The following NLRP6 variants were observed in gnomAD, a reference collection of about 807,000 sequenced individuals.
NLRP6 encodes NLR family pyrin domain containing 6, also known as NACHT, LRR and PYD domains-containing protein 6.
A neutral mutation model predicts 70.9 loss-of-function variants in NLRP6; 55 were observed. The ratio of observed to expected loss-of-function variants is 0.78; its 90% CI spans 0.62 to 0.97. NLRP6 has a LOEUF of 0.97. Among genes scored for constraint, NLRP6 ranks in the 50% least tolerant of loss-of-function variants. The probability of loss-of-function intolerance (pLI) is 0.00; values close to 1 mark genes in which losing one functional copy is unlikely to be tolerated. For synonymous variants in NLRP6, 652 were observed against 581.9 expected (o/e 1.12, Z -1.73); for missense variants, 1,241 against 1,238.3 (o/e 1.00, Z -0.03).
rs1315370250 is a variant in NLRP6 at position 280,249 on chromosome 11, G to A, written c.515G>A (p.Gly172Glu). ...AMGPAEEPEP[G>E]RARRSDTHTF... is the part of the protein sequence containing the mutation. ...GGGCCCGCGGAAGAGCCTGAGCCGG[G>A]GCGCGCGCGGCGCTCGGACACGCAC... Residue 172 changes from glycine to glutamate, a missense_variant, in exon 4 of 8, where the codon GGG becomes GAG. Physicochemically the swap from Gly to Glu is moderately conservative, Grantham distance 98. Coordinates refer to ENST00000534750, the MANE Select transcript of NLRP6 (RefSeq NM_001276700.2). The A allele has an allele frequency of 5.2e-6, 8 of 1,526,954 alleles. No individual in the cohort carries two copies. Among genetic ancestry groups the A allele is most frequent in the South Asian group, 1.2e-5 (1 of 82,060 alleles). The allele number at this position is 1,526,954 out of a possible 1,614,324, so 94.6% of individuals were successfully genotyped here. A position where few individuals can be genotyped will look rare whatever the true frequency, so the allele number is the denominator to read the frequency against.
In NLRP6 at chr11:285,224, G is replaced by A; in HGVS notation, c.2596G>A (p.Ala866Thr). The A allele has an allele frequency of 6.2e-7, 1 of 1,602,324 alleles. No homozygotes were observed. Among genetic ancestry groups the A allele is most frequent in the Non-Finnish European group, 8.5e-7 (1 of 1,173,868 alleles). The change falls in exon 8 of 8, where the codon GCA becomes ACA. Residue 866 changes from alanine to threonine, a missense_variant. Physicochemically the swap from Ala to Thr is moderately conservative, Grantham distance 58. Coordinates refer to ENST00000534750, the MANE Select transcript of NLRP6 (RefSeq NM_001276700.2). ...ACAGGAGCTTCAGGCTGTGAAGAGAGCAAAGCCGGATCTGGTCATCACACA... is the reference window on the plus strand; with the variant it reads ...ACAGGAGCTTCAGGCTGTGAAGAGAACAAAGCCGGATCTGGTCATCACACA... ...SLQELQAVKR[A>T]KPDLVITHPA...
rs1158110920 is a variant in NLRP6, at chr11:280,247, G to A, written c.513G>A (p.Pro171=). ...TGGGGCCCGCGGAAGAGCCTGAGCC[G>A]GGGCGCGCGCGGCGCTCGGACACGC... ...EAMGPAEEPE[P]GRARRSDTHT... is the part of the protein sequence containing the mutation. Residue 171 remains proline (P), a synonymous_variant, in exon 4 of 8, where the codon CCG becomes CCA. Transcript: ENST00000534750. 2.0e-6 allele frequency: 3 copies of A among 1,528,244 alleles called. No individual in the cohort carries two copies. Among genetic ancestry groups the A allele is most frequent in the Non-Finnish European group, 1.8e-6 (2 of 1,139,196 alleles). The allele number at this position is 1,528,244 out of a possible 1,614,324, so 94.7% of individuals were successfully genotyped here.
Position 279,344 on chromosome 11 carries a change from C to A in NLRP6, c.47C>A (p.Ala16Glu). The A allele has an allele frequency of 7.7e-7, 1 of 1,290,872 alleles. No homozygotes were observed. 80.0% of individuals were successfully genotyped at this position (1,290,872 alleles called of 1,614,324 possible). A position where few individuals can be genotyped will look rare whatever the true frequency, so the allele number is the denominator to read the frequency against. The change falls in exon 2 of 8, where the codon GCG (alanine) becomes GAG (glutamate). Residue 16 changes from alanine (A) to glutamate (E), a missense_variant. Ala to Glu is a moderately radical substitution (Grantham distance 107, BLOSUM62 -1). Transcript: ENST00000534750. ...GCCTCCAGCACGGGGCCGCGCCTCG[C>A]GGTGGCCCGCGAGCTGCTCCTGGCT... ...APCSSTGPRL[A>E]VARELLLAAL...
chr11:280,738 A>G lies in NLRP6; in HGVS notation c.1004A>G (p.Gln335Arg), dbSNP rs1845460694. The change falls in exon 4 of 8, where the codon CAG (glutamine) becomes CGG (arginine). Residue 335 changes from glutamine (Q) to arginine (R), a missense_variant. By Grantham distance (43) the Gln-to-Arg change is conservative. Transcript: ENST00000534750. ...CGCGCCGCCGCCCCCGGGAGGCTGCAGGGCCGCCTGTGTTCCCCGCAGTGC... is the reference window on the plus strand; with the variant it reads ...CGCGCCGCCGCCCCCGGGAGGCTGCGGGGCCGCCTGTGTTCCCCGCAGTGC... ...TTRAAAPGRL[Q>R]GRLCSPQCAE... 6.3e-7 allele frequency: 1 copy of G among 1,598,992 alleles called. No individual in the cohort carries two copies. Among genetic ancestry groups the G allele is most frequent in the South Asian group, 1.1e-5 (1 of 89,094 alleles).
chr11:282,185 A>G (rs1439934592), intron 4 of NLRP6, among the ~76,000 whole-genome samples: 1 of 150,814 alleles, frequency 6.6e-6, no homozygotes, highest in Non-Finnish European at 1.5e-5. Context: ...CCTTCCCTCC[A>G]CCTAGAATAT....
chr11:281,261 G>A lies in NLRP6; in HGVS notation c.1527G>A (p.Leu509=). 4 of 1,611,612 alleles carry A rather than the reference G, an allele frequency of 2.5e-6. No individual in the cohort carries two copies. Among genetic ancestry groups the A allele is most frequent in the Non-Finnish European group, 3.4e-6 (4 of 1,178,790 alleles). Residue 509 remains leucine, a synonymous_variant, in exon 4 of 8, where the codon CTG becomes CTA. Coordinates refer to ENST00000534750, the MANE Select transcript of NLRP6 (RefSeq NM_001276700.2). ...GCTTCCAGGAGTTCCTCGCGGCACT[G>A]TCCTACCTGCTGGAGGACGGCGGGG... ...DQSFQEFLAA[L]SYLLEDGGVP... is the part of the protein sequence containing the mutation.
In NLRP6 at chr11:284,461, C is replaced by T. The variant is rs201671891; in HGVS notation, c.2370-14C>T. ...CCGCCACCCCAGCAGCTCCTGAGGT[C>T]GGCCCTCCCACAGGGTACAGCTGCC... On this transcript the variant is annotated splice_polypyrimidine_tract_variant and intron_variant, in intron 6 of 7. Coordinates refer to ENST00000534750, the MANE Select transcript of NLRP6 (RefSeq NM_001276700.2). 148 of 1,609,140 alleles carry T rather than the reference C, an allele frequency of 9.2e-5. No homozygotes were observed. Among genetic ancestry groups the T allele is most frequent in the Admixed American group, 2.2e-4 (13 of 59,896 alleles).
rs1044785503 is a variant in NLRP6, at chr11:281,097, G to A, written c.1363G>A (p.Gly455Arg). The A allele has an allele frequency of 1.6e-5, 25 of 1,612,544 alleles. No individual in the cohort carries two copies. In the Admixed American group the frequency reaches 2.7e-4, roughly 17 times the overall value. Reference sequence around the variant, plus strand: ...CCGCCTGGCCCGCGAGGGCGTCCTCGGACGCAGGGCGCAGTTTGCCGAGAA... The same window carrying A: ...CCGCCTGGCCCGCGAGGGCGTCCTCAGACGCAGGGCGCAGTTTGCCGAGAA... The part of the protein sequence containing the change: ...LCRLAREGVL[G>R]RRAQFAEKEL... The change falls in exon 4 of 8, where the codon GGA becomes AGA. Residue 455 changes from glycine (G) to arginine (R), a missense_variant. Gly to Arg is a moderately radical substitution (Grantham distance 125, BLOSUM62 -2). Transcript: ENST00000534750.
At chr11:279,691 GT>G in intron 2 of NLRP6, 84 bp downstream of exon 2, 1 of 1,354,974 alleles carries the variant, frequency 7.4e-7, no homozygotes. Flanking sequence ...CCCCGGCGCG[GT>G]CCCCGGCCCC....
At position 280,678 on chromosome 11, in the gene NLRP6, C is replaced by T; in HGVS notation, c.944C>T (p.Ala315Val). The part of the protein sequence containing the change: ...ARVLGGLLSK[A>V]LLPTALLLVT... ...GTGCTAGGCGGGCTGCTGAGCAAGG[C>T]GCTGCTGCCCACGGCCCTCCTGCTG... The change falls in exon 4 of 8, where the codon GCG (alanine) becomes GTG (valine). Residue 315 changes from alanine (A) to valine (V), a missense_variant. Ala to Val is a moderately conservative substitution (Grantham distance 64, BLOSUM62 0). Coordinates refer to ENST00000534750, the MANE Select transcript of NLRP6 (RefSeq NM_001276700.2). 1 of 1,553,996 alleles carries T rather than the reference C, an allele frequency of 6.4e-7. No individual in the cohort carries two copies. Among genetic ancestry groups the T allele is most frequent in the Non-Finnish European group, 8.7e-7 (1 of 1,155,204 alleles).
Position 284,460 on chromosome 11 carries a change from T to C in NLRP6, c.2370-15T>C, listed in dbSNP as rs1261918781. 5 of 1,609,124 alleles carry C rather than the reference T, an allele frequency of 3.1e-6. No homozygotes were observed. The highest frequency in any genetic ancestry group is 1.7e-5 in the Admixed American group (1 of 59,884). On this transcript the variant is annotated splice_polypyrimidine_tract_variant and intron_variant, in intron 6 of 7. Coordinates refer to ENST00000534750, the MANE Select transcript of NLRP6 (RefSeq NM_001276700.2). ...CCCGCCACCCCAGCAGCTCCTGAGG[T>C]CGGCCCTCCCACAGGGTACAGCTGC... is the stretch of plus-strand genomic sequence containing the variant.
Position 284,399 on chromosome 11 carries a change from A to G in NLRP6, c.2368A>G (p.Arg790Gly), listed in dbSNP as rs1299016195. 1 of 1,597,698 alleles carries G rather than the reference A, an allele frequency of 6.3e-7. No individual in the cohort carries two copies. The highest frequency in any genetic ancestry group is 8.6e-7 in the Non-Finnish European group (1 of 1,169,214). The change falls in exon 6 of 8, where the codon AGG (arginine) becomes GGG (glycine). Residue 790 changes from arginine to glycine, a missense_variant and splice_region_variant. By Grantham distance (125) the Arg-to-Gly change is moderately radical. Coordinates refer to ENST00000534750, the MANE Select transcript of NLRP6 (RefSeq NM_001276700.2). ...GCCGCAGTGCAGGGTGCAGACGGTC[A>G]GGTGAGGCCTGGCCTGGGAGGGACC... is the stretch of plus-strand genomic sequence containing the variant. ...AWPQCRVQTV[R>G]VQLPDPQRGL...
At chr11:281,905 C>T (rs1845486573) in intron 4 of NLRP6, 66 bp downstream of exon 4, 1 of 1,426,824 alleles carries the variant, frequency 7.0e-7, no homozygotes, top group Admixed American at 2.2e-5. Flanking sequence ...AACCTGTGCA[C>T]CTCAGTGTCC....
intron 5 of NLRP6, 119 bp from the exon 6 acceptor site, chr11:284,111 G>A (rs1035539608): frequency 2.3e-6 from 2 of 862,974 alleles, no homozygotes; most frequent in Admixed American, 2.0e-5. Context: ...GGAAGGATGT[G>A]GCACCAACAC....
chr11:280,638 G>T lies in NLRP6; in HGVS notation c.904G>T (p.Ala302Ser). ...GCCCTGCACAGACCCCTTCGAGGCG[G>T]CGAGCGGCGCGCGGGTGCTAGGCGG... ...AAPCTDPFEAASGARVLGGLL... is the reference protein window; with the variant it reads ...AAPCTDPFEASSGARVLGGLL... The change falls in exon 4 of 8, where the codon GCG becomes TCG. Residue 302 changes from alanine (A) to serine (S), a missense_variant. By Grantham distance (99) the Ala-to-Ser change is moderately conservative. Coordinates refer to ENST00000534750, the MANE Select transcript of NLRP6 (RefSeq NM_001276700.2). The T allele has an allele frequency of 6.6e-7, 1 of 1,504,194 alleles. No homozygotes were observed. The highest frequency in any genetic ancestry group is 8.8e-7 in the Non-Finnish European group (1 of 1,135,260). 93.2% of individuals were successfully genotyped at this position (1,504,194 alleles called of 1,614,324 possible). A position where few individuals can be genotyped will look rare whatever the true frequency, so the allele number is the denominator to read the frequency against.
chr11:284,196 C>T (rs745413703), intron 5 of NLRP6, 34 bp from the exon 6 acceptor site: 3 of 1,606,032 alleles, frequency 1.9e-6, no homozygotes, highest in Non-Finnish European at 2.6e-6. Context: ...GGCTGAGGCG[C>T]CTGCAGGTAA....
At chr11:283,661 C>T (rs1316559944) in intron 5 of NLRP6, among the ~76,000 whole-genome samples, 1 of 152,078 alleles carries the variant, frequency 6.6e-6, no homozygotes. Context: ...CTCTTAGCTA[C>T]CACCAAGTGA....
chr11:279,948 G>T, intron 3 of NLRP6, 76 bp downstream of exon 3: 1 of 1,428,190 alleles, frequency 7.0e-7, no homozygotes, highest in Non-Finnish European at 9.2e-7. Context: ...GGGTGGGAGG[G>T]CCGCCAGGGG....
At position 280,079 on chromosome 11, in the gene NLRP6, C is replaced by T. The variant is rs551370417; in HGVS notation, c.350-5C>T. The T allele has an allele frequency of 6.8e-7, 1 of 1,478,400 alleles. No individual in the cohort carries two copies. The highest frequency in any genetic ancestry group is 2.5e-5 in the East Asian group (1 of 39,280). The allele number at this position is 1,478,400 out of a possible 1,614,324, so 91.6% of individuals were successfully genotyped here. On this transcript the variant is annotated splice_polypyrimidine_tract_variant and splice_region_variant and intron_variant, in intron 3 of 7. Transcript: ENST00000534750. ...TGTCCCCGCGCTGTCTCCCGCTGCG[C>T]CCAGAGTACAAGAAGAAGTACCGGG...
Sources: allele counts gnomAD v4.1 joint callset (sites outside exome capture counted in the v4.1 genomes callset), GRCh38; gene constraint gnomAD v4.1.1; transcripts MANE v1.5; gene names NCBI Gene and HGNC (gene_info 2026-07-23, HGNC 2026-07-21).